NOVA1: variants seen among roughly 807,000 people sequenced by gnomAD.
NOVA1 encodes NOVA alternative splicing regulator 1.
NOVA1 carries 7 observed loss-of-function variants against 38.0 expected under a neutral mutation model. That is an observed-to-expected ratio of 0.18 (90% CI 0.10 to 0.35). NOVA1 has a LOEUF of 0.35. Among genes scored for constraint, NOVA1 ranks in the 10% least tolerant of loss-of-function variants. NOVA1 has a pLI of 1.00. For missense variants in NOVA1, 460 were observed against 616.0 expected, an observed-to-expected ratio of 0.75 and a Z score of 2.68; for synonymous variants, 270 against 232.5, an observed-to-expected ratio of 1.16 and a Z score of -1.47.
At chr14:26,569,315 T>C (rs756891720) in intron 2 of NOVA1, among the ~76,000 whole-genome samples, 41 of 152,230 alleles carry the variant, frequency 2.7e-4, no homozygotes, top group Non-Finnish European at 5.1e-4. Context: ...CCTTGTAAAG[T>C]ATTTTGAATA....
rs1315743855 is a variant in NOVA1, at chr14:26,595,570, A to C, written c.137-17T>G. 1.2e-6 allele frequency: 2 copies of C among 1,610,426 alleles called. No homozygotes were observed. The highest frequency in any genetic ancestry group is 1.7e-6 in the Non-Finnish European group (2 of 1,178,684). On this transcript the variant is annotated splice_polypyrimidine_tract_variant and intron_variant, in intron 1 of 4. Coordinates refer to ENST00000539517, the MANE Select transcript of NOVA1 (RefSeq NM_002515.3). ...GGCCGTCTTCTGAAAAATGCAAAGA[A>C]ATATACTCGGTTAACACAGTATTTC...
At chr14:26,499,412 C>T (rs1322414616) in intron 2 of NOVA1, among the ~76,000 whole-genome samples, 1 of 152,104 alleles carries the variant, frequency 6.6e-6, no homozygotes, top group Non-Finnish European at 1.5e-5. Context: ...TATGATGCAG[C>T]AAATTGGTTT....
rs1353813770 is a variant in NOVA1, at chr14:26,598,000, G to GTGC, written c.-567_-565dup. ...AGCGTTGCGCTCGCTCCCGCTGCTG[G>GTGC]TGCTGCCGCCGCCGCCGCTGCCGGA... is the stretch of plus-strand genomic sequence containing the variant. On this transcript the variant is annotated 5_prime_UTR_variant, in exon 1 of 5. Transcript: ENST00000539517. Among the ~76,000 whole-genome samples the GTGC allele has an allele frequency of 6.6e-6, 1 of 151,608 alleles. No homozygotes were observed. The highest frequency in any genetic ancestry group is 2.0e-4 in the East Asian group (1 of 5,064).
chr14:26,461,414 C>T (rs1883655509), intron 4 of NOVA1, among the ~76,000 whole-genome samples: 1 of 152,048 alleles, frequency 6.6e-6, no homozygotes, highest in Non-Finnish European at 1.5e-5. Context: ...GAAAACATTA[C>T]TGGTGTGCTG....
At chr14:26,596,531 A>C (rs2138833640) in intron 1 of NOVA1, 1 of 1,287,986 alleles carries the variant, frequency 7.8e-7, no homozygotes, top group African/African-American at 1.5e-5. Context: ...CACTCAAAAG[A>C]CCCCCATCCG....
At chr14:26,576,905 A>G (rs1594568261) in intron 2 of NOVA1, among the ~76,000 whole-genome samples, 1 of 151,974 alleles carries the variant, frequency 6.6e-6, no homozygotes, top group Non-Finnish European at 1.5e-5. Flanking sequence ...AGTACATTTT[A>G]GTATACAACA....
intron 2 of NOVA1, among the ~76,000 whole-genome samples, chr14:26,535,981 A>G (rs1890058866): frequency 6.6e-6 from 1 of 151,062 alleles, no homozygotes; most frequent in Non-Finnish European, 1.5e-5. Flanking sequence ...TCCGTCTCAA[A>G]AAAAAAAAAA....
chr14:26,596,478 A>G (rs747161296), intron 1 of NOVA1: 60 of 1,186,818 alleles, frequency 5.1e-5, no homozygotes, highest in Admixed American at 7.0e-5. Context: ...CGGTAAATCC[A>G]GCTTTCTTAA....
At position 26,448,143 on chromosome 14, in the gene NOVA1, T is replaced by C. The variant is rs1325608227; in HGVS notation, c.1340A>G (p.Tyr447Cys). ...TATCCTTGCACCAGTCAACTCCTGG[T>C]ATTCCACTAATGTTTTCCCTCCTTT... ...LGKGGKTLVE[Y>C]QELTGARIQI... The change falls in exon 5 of 5, where the codon TAC (tyrosine) becomes TGC (cysteine). Residue 447 changes from tyrosine to cysteine, a missense_variant. Coordinates refer to ENST00000539517, the MANE Select transcript of NOVA1 (RefSeq NM_002515.3). The surrounding 1 kb of genome is among the most constrained non-coding windows in gnomAD (Gnocchi z 5.3). 6.2e-7 allele frequency: 1 copy of C among 1,614,218 alleles called. No individual in the cohort carries two copies. The highest frequency in any genetic ancestry group is 1.7e-5 in the Admixed American group (1 of 60,026).
At chr14:26,449,612 T>C (rs1326787234) in intron 4 of NOVA1, among the ~76,000 whole-genome samples, 2 of 152,090 alleles carry the variant, frequency 1.3e-5, no homozygotes, top group Non-Finnish European at 2.9e-5. Context: ...TTCTAAATAA[T>C]TAATAATTTT....
In NOVA1 at chr14:26,443,096, T is replaced by C. The variant is rs1182386736; in HGVS notation, c.*4863A>G. 1 of 152,048 alleles carries C rather than the reference T, an allele frequency of 6.6e-6. No individual in the cohort carries two copies. Among genetic ancestry groups the C allele is most frequent in the African/African-American group, 2.4e-5 (1 of 41,448 alleles). 9.4% of individuals were successfully genotyped at this position (152,048 alleles called of 1,614,324 possible). ...TTTAAATAATTAAAACTAATTTGTG[T>C]TTAAAGCTATTTGCAGATTTATTAG... On this transcript the variant is annotated 3_prime_UTR_variant, in exon 5 of 5. Transcript: ENST00000539517.
At chr14:26,595,991 CTATA>C (rs1259113972) in intron 1 of NOVA1, 1 of 340,544 alleles carries the variant, frequency 2.9e-6, no homozygotes, top group Admixed American at 4.1e-5. Context: ...TAGTGATGAG[CTATA>C]TTTATTTGTC....
intron 4 of NOVA1, among the ~76,000 whole-genome samples, chr14:26,459,038 T>C (rs1019936859): frequency 3.3e-5 from 5 of 152,056 alleles, no homozygotes; most frequent in Non-Finnish European, 7.4e-5. Flanking sequence ...ACAGTGTTGA[T>C]AAAGTCTACA....
rs1281233261 is a variant in NOVA1 at position 26,448,759 on chromosome 14, G to T, written c.724C>A (p.Gln242Lys). 1.9e-6 allele frequency: 3 copies of T among 1,614,004 alleles called. No individual in the cohort carries two copies. Among genetic ancestry groups the T allele is most frequent in the Non-Finnish European group, 2.5e-6 (3 of 1,180,028 alleles). Residue 242 changes from glutamine (Q) to lysine (K), a missense_variant, in exon 5 of 5, where the codon CAA becomes AAA. Transcript: ENST00000539517. This position sits in a 1 kb window ranked among gnomAD's most constrained non-coding sequence, Gnocchi z 5.3. ...CAGCTGCCACTTTGTGGATCCTCTT[G>T]TATCTTCTGGATGATAAGTTCAACA... ...KAVELIIQKI[Q>K]EDPQSGSCLN... is the part of the protein sequence containing the mutation.
At chr14:26,453,687 T>C (rs1336328889) in intron 4 of NOVA1, among the ~76,000 whole-genome samples, 1 of 152,192 alleles carries the variant, frequency 6.6e-6, no homozygotes, top group Non-Finnish European at 1.5e-5. Flanking sequence ...ATGATGGTTT[T>C]ATGGCTATAA....
At chr14:26,545,733 T>C (rs753362812) in intron 2 of NOVA1, among the ~76,000 whole-genome samples, 2 of 152,126 alleles carry the variant, frequency 1.3e-5, no homozygotes, top group Non-Finnish European at 2.9e-5. Flanking sequence ...TTAAAGTTGT[T>C]AAGCAATTTA....
intron 2 of NOVA1, among the ~76,000 whole-genome samples, chr14:26,523,027 A>G (rs1889014361): frequency 6.6e-6 from 1 of 152,160 alleles, no homozygotes. Flanking sequence ...CAAGCAGACT[A>G]TTCATAGAAG....
At position 26,597,432 on chromosome 14, in the gene NOVA1, A is replaced by G. The variant is rs374128371; in HGVS notation, c.5T>C (p.Met2Thr). The G allele has an allele frequency of 7.8e-6, 10 of 1,287,560 alleles. No homozygotes were observed. Among genetic ancestry groups the G allele is most frequent in the Non-Finnish European group, 9.9e-6 (10 of 1,012,542 alleles). The allele number at this position is 1,287,560 out of a possible 1,614,324, so 79.8% of individuals were successfully genotyped here. A position where few individuals can be genotyped will look rare whatever the true frequency, so the allele number is the denominator to read the frequency against. Reference protein sequence around the residue: MMAAAPIQQNGT... With the variant: MTAAAPIQQNGT... ...GTTCTGCTGGATGGGAGCTGCCGCC[A>G]TCATGTTTGCAGTTCCTGCCGCTGC... The change falls in exon 1 of 5, where the codon ATG becomes ACG. Residue 2 changes from methionine to threonine, a missense_variant. By Grantham distance (81) the Met-to-Thr change is moderately conservative. Transcript: ENST00000539517.
chr14:26,595,624 G>A (rs1271985158), intron 1 of NOVA1, 71 bp from the exon 2 acceptor site: 3 of 1,413,098 alleles, frequency 2.1e-6, no homozygotes, highest in East Asian at 4.7e-5. Context: ...CCACCCTCAA[G>A]AGAGAAAAAC....
Sources: gnomAD v4.1 joint callset for allele counts (sites outside exome capture counted in the v4.1 genomes callset) on GRCh38, gnomAD v4.1.1 for gene constraint, Gnocchi (gnomAD v3.1) non-coding constraint, MANE v1.5 for transcripts, NCBI Gene and HGNC (gene_info 2026-07-23, HGNC 2026-07-21) for gene names.